PDZRN3: variants seen among roughly 807,000 people sequenced by gnomAD.
The protein encoded by PDZRN3 is E3 ubiquitin-protein ligase PDZRN3.
In PDZRN3, 38 loss-of-function variants were observed where a neutral mutation model predicts 85.7. That is an observed-to-expected ratio of 0.44 (90% CI 0.34 to 0.58). The LOEUF (loss-of-function observed/expected upper bound fraction) is 0.58, where lower values mean the gene tolerates loss of function less well. Among genes scored for constraint, PDZRN3 ranks in the 20% least tolerant of loss-of-function variants. The probability of loss-of-function intolerance (pLI) is 0.01; values close to 1 mark genes in which losing one functional copy is unlikely to be tolerated. For synonymous variants in PDZRN3, 759 were observed against 638.0 expected, an observed-to-expected ratio of 1.19 and a Z score of -2.86; for missense variants, 1,629 against 1,506.4, an observed-to-expected ratio of 1.08 and a Z score of -1.35.
intron 3 of PDZRN3, among the ~76,000 whole-genome samples, chr3:73,458,077 G>C (rs531886326): frequency 1.3e-5 from 2 of 152,338 alleles, no homozygotes; most frequent in East Asian, 3.9e-4. Context: ...TCTGTTACCA[G>C]TGGGGAAAAA....
intron 7 of PDZRN3, among the ~76,000 whole-genome samples, chr3:73,389,511 G>A (rs997075873): frequency 2.6e-5 from 4 of 152,120 alleles, no homozygotes; most frequent in Non-Finnish European, 5.9e-5. Flanking sequence ...TTGGCTCACT[G>A]ATGTTTGTTT....
chr3:73,396,598 C>A (rs1419156915), intron 5 of PDZRN3, among the ~76,000 whole-genome samples: 1 of 152,108 alleles, frequency 6.6e-6, no homozygotes, highest in East Asian at 1.9e-4. Flanking sequence ...TCTATGAAAC[C>A]AGGTTTGGAG....
intron 3 of PDZRN3, among the ~76,000 whole-genome samples, chr3:73,595,536 A>ATTC (rs1702419048): frequency 1.3e-5 from 2 of 152,224 alleles, no homozygotes; most frequent in African/African-American, 4.8e-5. Context: ...TCTTAAAGAA[A>ATTC]TGAAAGAAAA....
intron 5 of PDZRN3, among the ~76,000 whole-genome samples, 182 bp downstream of exon 5, chr3:73,400,738 GCT>G (rs1402894075): frequency 6.6e-6 from 1 of 152,194 alleles, no homozygotes; most frequent in Non-Finnish European, 1.5e-5. Flanking sequence ...TGATTATTAA[GCT>G]CTGTTTCCAA....
At chr3:73,449,922 CAG>C (rs1702824764) in intron 3 of PDZRN3, among the ~76,000 whole-genome samples, 1 of 152,182 alleles carries the variant, frequency 6.6e-6, no homozygotes, top group Non-Finnish European at 1.5e-5. Flanking sequence ...CACCCCTAGA[CAG>C]AGTCTCAGTC....
intron 3 of PDZRN3, among the ~76,000 whole-genome samples, chr3:73,491,170 T>C (rs1179103169): frequency 6.6e-6 from 1 of 152,188 alleles, no homozygotes; most frequent in East Asian, 1.9e-4. Flanking sequence ...TTACAGAAAC[T>C]CATATTTTAA....
At chr3:73,586,482 G>A (rs755380015) in intron 3 of PDZRN3, among the ~76,000 whole-genome samples, 2 of 152,202 alleles carry the variant, frequency 1.3e-5, no homozygotes, top group Non-Finnish European at 2.9e-5. Flanking sequence ...CTCTGTACCA[G>A]GCATGGTGCT....
intron 3 of PDZRN3, among the ~76,000 whole-genome samples, chr3:73,419,779 C>G (rs1326993461): frequency 6.6e-6 from 1 of 152,172 alleles, no homozygotes; most frequent in African/African-American, 2.4e-5. Context: ...ATTGCTATCG[C>G]AGGCTTGGCA....
chr3:73,577,613 C>A (rs1265869423), intron 3 of PDZRN3, among the ~76,000 whole-genome samples: 1 of 152,068 alleles, frequency 6.6e-6, no homozygotes, highest in African/African-American at 2.4e-5. Flanking sequence ...AGAAATGCGC[C>A]CTAGATTTGT....
At chr3:73,602,525 T>C (rs1702530786) in intron 2 of PDZRN3, 64 bp from the exon 3 acceptor site, 2 of 844,554 alleles carry the variant, frequency 2.4e-6, no homozygotes, top group Admixed American at 3.8e-5. Context: ...AAAGTAAAGC[T>C]TGCACTCTTA....
At chr3:73,603,870 A>AACACAC (rs71625943) in intron 2 of PDZRN3, among the ~76,000 whole-genome samples, 4,916 of 110,344 alleles carry the variant, frequency 0.045, 284 homozygotes, top group African/African-American at 0.14. Flanking sequence ...CACTTCCCCA[A>AACACAC]ACACACACAC....
chr3:73,573,581 A>C (rs2106854790), intron 3 of PDZRN3, among the ~76,000 whole-genome samples: 1 of 152,320 alleles, frequency 6.6e-6, no homozygotes, highest in South Asian at 2.1e-4. Flanking sequence ...CAAAGACTGC[A>C]TGACCCCCAA....
intron 3 of PDZRN3, among the ~76,000 whole-genome samples, chr3:73,417,858 T>G (rs35926790): frequency 0.2 from 30,594 of 152,132 alleles, 3,108 homozygotes; most frequent in Middle Eastern, 0.23. Context: ...GTGCAATCAC[T>G]GTGAGAAATT....
At chr3:73,581,952 T>G (rs186581341) in intron 3 of PDZRN3, among the ~76,000 whole-genome samples, 5 of 151,788 alleles carry the variant, frequency 3.3e-5, no homozygotes, top group Non-Finnish European at 7.4e-5. Flanking sequence ...TACAAGAAAT[T>G]AGCTGTGTGT....
chr3:73,407,735 A>G (rs968963686), intron 3 of PDZRN3, among the ~76,000 whole-genome samples: 3 of 152,220 alleles, frequency 2.0e-5, no homozygotes, highest in African/African-American at 7.2e-5. Context: ...TTTAAATGGT[A>G]CCAAGAAAAT....
At chr3:73,487,781 C>T (rs1309661902) in intron 3 of PDZRN3, among the ~76,000 whole-genome samples, 3 of 152,128 alleles carry the variant, frequency 2.0e-5, no homozygotes, top group Admixed American at 1.3e-4. Context: ...TTTTTGAAAC[C>T]CATCTGACCT....
chr3:73,432,555 T>A (rs764802493), intron 3 of PDZRN3, among the ~76,000 whole-genome samples: 11 of 152,196 alleles, frequency 7.2e-5, no homozygotes, highest in Non-Finnish European at 1.6e-4. Context: ...TCATTTTATC[T>A]TTAGGTTTTG....
chr3:73,391,928 C>A (rs1701537024), intron 5 of PDZRN3, among the ~76,000 whole-genome samples: 1 of 152,026 alleles, frequency 6.6e-6, no homozygotes, highest in Admixed American at 6.6e-5. Context: ...TCCGGTAGAT[C>A]CTTTGGTCTA....
At chr3:73,603,064 T>C (rs926339552) in intron 2 of PDZRN3, among the ~76,000 whole-genome samples, 8 of 152,244 alleles carry the variant, frequency 5.3e-5, no homozygotes, top group Non-Finnish European at 1.2e-4. Context: ...TAAAAGGATA[T>C]GTACATTTCA....
Sources: allele counts gnomAD v4.1 joint callset (sites outside exome capture counted in the v4.1 genomes callset), GRCh38; gene constraint gnomAD v4.1.1; transcripts MANE v1.5; gene names NCBI Gene and HGNC (gene_info 2026-07-23, HGNC 2026-07-21).